The following LARGE1 variants were observed in gnomAD, a reference collection of about 807,000 sequenced individuals.
LARGE1 encodes LARGE xylosyl- and glucuronyltransferase 1.
LARGE1 carries 43 observed loss-of-function variants against 87.6 expected under a neutral mutation model. The ratio of observed to expected loss-of-function variants is 0.49; its 90% confidence interval spans 0.38 to 0.63. The LOEUF is 0.63. Among genes scored for constraint, LARGE1 ranks in the 30% least tolerant of loss-of-function variants. The pLI, the probability that LARGE1 is intolerant of heterozygous loss-of-function variation, is 0.00. For synonymous variants in LARGE1, 434 were observed against 394.6 expected (o/e 1.10, Z -1.18); for missense variants, 802 against 1,000.2 (o/e 0.80, Z 2.67).
the LARGE1 span, among the ~76,000 whole-genome samples, chr22:33,127,414 C>T: frequency 2.5e-4 from 38 of 152,298 alleles, 1 homozygote; most frequent in African/African-American, 8.7e-4. Context: ...CAGAGTTAAA[C>T]GCACTAAATA....
intron 1 of LARGE1, among the ~76,000 whole-genome samples, chr22:33,855,747 C>CT (rs1201652767): frequency 6.6e-6 from 1 of 152,138 alleles, no homozygotes; most frequent in African/African-American, 2.4e-5. Flanking sequence ...GGGTTCCTTA[C>CT]TTTTTCATCA....
At chr22:33,508,582 T>C (rs968854800) in intron 6 of LARGE1, among the ~76,000 whole-genome samples, 2 of 152,178 alleles carry the variant, frequency 1.3e-5, no homozygotes, top group African/African-American at 4.8e-5. Flanking sequence ...GGTGATCTCA[T>C]TCAACAATTT....
intron 11 of LARGE1, among the ~76,000 whole-genome samples, chr22:33,193,377 G>T (rs1923889787): frequency 6.6e-6 from 1 of 152,036 alleles, no homozygotes. Context: ...ATCAAAGGAA[G>T]AAATGATAAA....
chr22:33,115,464 A>AG, the LARGE1 span, among the ~76,000 whole-genome samples: 1 of 151,810 alleles, frequency 6.6e-6, no homozygotes, highest in Non-Finnish European at 1.5e-5. Context: ...AAAAAAAAAA[A>AG]AAAGAATCTA....
At chr22:33,309,598 T>G (rs1159827917) in intron 11 of LARGE1, among the ~76,000 whole-genome samples, 1 of 152,230 alleles carries the variant, frequency 6.6e-6, no homozygotes, top group African/African-American at 2.4e-5. Flanking sequence ...GCCTTGATCT[T>G]GGACTTCCAG....
At chr22:33,796,400 C>T (rs187610321) in intron 1 of LARGE1, among the ~76,000 whole-genome samples, 63 of 152,234 alleles carry the variant, frequency 4.1e-4, no homozygotes, top group African/African-American at 1.4e-3. Context: ...CCAGCGTCGC[C>T]GACTTCTGAC....
rs910279059 is a variant in LARGE1 at position 33,601,026 on chromosome 22, C to T, written c.615+3409G>A. Among the ~76,000 whole-genome samples the T allele has an allele frequency of 3.3e-5, 5 of 152,122 alleles. 1 individual carries two copies. Among genetic ancestry groups the T allele is most frequent in the South Asian group, 4.2e-4 (2 of 4,816 alleles). ...TGGAGGTTGCAATGAGCCGAGATCACGCCACTGCACTCCAGCCTGGGCGAC... is the reference window on the plus strand; with the variant it reads ...TGGAGGTTGCAATGAGCCGAGATCATGCCACTGCACTCCAGCCTGGGCGAC... On this transcript the variant is annotated intron_variant, in intron 5 of 14. Coordinates refer to ENST00000397394, the MANE Select transcript of LARGE1 (RefSeq NM_133642.5).
upstream of LARGE1, chr22:33,922,280 G>GGGGGGTGGGGGGTT: frequency 7.4e-6 from 1 of 135,680 alleles, no homozygotes; most frequent in South Asian, 2.8e-4. Flanking sequence ...CTGGGGGGGT[G>GGGGGGTGGGGGGTT]GGGCGGCAAG....
chr22:33,492,801 A>G (rs2069911707), intron 6 of LARGE1, among the ~76,000 whole-genome samples: 1 of 152,216 alleles, frequency 6.6e-6, no homozygotes, highest in African/African-American at 2.4e-5. Context: ...AACATGTTTT[A>G]AATTACTTTC....
chr22:33,562,500 A>C (rs2077890974), intron 6 of LARGE1, among the ~76,000 whole-genome samples: 1 of 152,180 alleles, frequency 6.6e-6, no homozygotes, highest in African/African-American at 2.4e-5. Context: ...AACAAATAAA[A>C]TGCAGCCCAT....
intron 7 of LARGE1, among the ~76,000 whole-genome samples, chr22:33,424,650 C>G (rs369874859): frequency 3.3e-5 from 5 of 151,888 alleles, no homozygotes; most frequent in African/African-American, 1.2e-4. Flanking sequence ...CAAAGTGAGA[C>G]CCTGTCTATA....
chr22:33,604,560 T>C lies in LARGE1; in HGVS notation c.492-2A>G. 1 of 1,613,998 alleles carries C rather than the reference T, an allele frequency of 6.2e-7. No individual in the cohort carries two copies. On this transcript the variant is annotated splice_acceptor_variant, in intron 4 of 14. Transcript: ENST00000397394. LOFTEE classifies it high-confidence loss of function. The stretch of plus-strand genomic sequence containing the variant: ...AGGTGGAAGTGCAGAGGGTTCCGTC[T>C]GTGGGGAGTGTGAGAAGGAAGGGTC...
At chr22:33,545,726 C>G (rs1032419280) in intron 6 of LARGE1, among the ~76,000 whole-genome samples, 4 of 151,834 alleles carry the variant, frequency 2.6e-5, no homozygotes, top group Non-Finnish European at 4.4e-5. Flanking sequence ...GGCATGAGCC[C>G]CTGCGCCCAG....
At chr22:33,394,995 G>C (rs771963566) in intron 7 of LARGE1, among the ~76,000 whole-genome samples, 7 of 152,054 alleles carry the variant, frequency 4.6e-5, no homozygotes, top group Admixed American at 4.6e-4. Context: ...GGGAGGCCAA[G>C]GCTGGCAGAT....
At chr22:33,321,448 C>T (rs754600057) in intron 10 of LARGE1, among the ~76,000 whole-genome samples, 1 of 152,224 alleles carries the variant, frequency 6.6e-6, no homozygotes, top group African/African-American at 2.4e-5. Context: ...CGGCAGAAAA[C>T]GTAACCAACT....
intron 1 of LARGE1, among the ~76,000 whole-genome samples, chr22:33,786,974 T>C (rs946431792): frequency 6.6e-6 from 1 of 150,724 alleles, no homozygotes; most frequent in Non-Finnish European, 1.5e-5. Flanking sequence ...TGAGGCGAAA[T>C]TGTGCCACTG....
downstream of LARGE1, among the ~76,000 whole-genome samples, chr22:33,268,144 G>A (rs914488804): frequency 6.6e-6 from 1 of 151,290 alleles, no homozygotes; most frequent in African/African-American, 2.5e-5. Context: ...AGTAGAGATG[G>A]GGTTTCACCA....
intron 1 of LARGE1, among the ~76,000 whole-genome samples, chr22:33,911,933 C>T (rs1469997464): frequency 6.6e-6 from 1 of 152,204 alleles, no homozygotes; most frequent in African/African-American, 2.4e-5. Flanking sequence ...CTCTCCCTCC[C>T]GCATCACCTC....
At chr22:33,305,737 G>A (rs1034429371) in intron 11 of LARGE1, 8 of 213,128 alleles carry the variant, frequency 3.8e-5, no homozygotes, top group Admixed American at 1.3e-4. Flanking sequence ...TTGCTTCCTC[G>A]TTCAATAGGG....
Sources: allele counts gnomAD v4.1 joint callset (sites outside exome capture counted in the v4.1 genomes callset), GRCh38; gene constraint gnomAD v4.1.1; transcripts MANE v1.5; gene names NCBI Gene and HGNC (gene_info 2026-07-23, HGNC 2026-07-21).